Variants in NOS1AP observed in about 807,000 individuals in gnomAD.
NOS1AP encodes the protein carboxyl-terminal PDZ ligand of neuronal nitric oxide synthase protein.
In NOS1AP, 21 loss-of-function variants were observed where a neutral mutation model predicts 56.2. That is an observed-to-expected ratio of 0.37 (90% confidence interval 0.26 to 0.54). The LOEUF (loss-of-function observed/expected upper bound fraction) is 0.54. NOS1AP is among the 20% of genes least tolerant of loss of function. The pLI is 0.84. For missense variants in NOS1AP, 522 were observed against 657.8 expected (o/e 0.79, Z 2.26); for synonymous variants, 270 against 274.6 (o/e 0.98, Z 0.17).
chr1:162,350,818 CG>C (rs60709352), intron 6 of NOS1AP, among the ~76,000 whole-genome samples: 126,820 of 152,006 alleles, frequency 0.83, 53,407 homozygotes, highest in East Asian at 0.93. Context: ...CTCCCTTCCC[CG>C]CAATTCCTGG....
intron 6 of NOS1AP, among the ~76,000 whole-genome samples, chr1:162,345,256 C>T (rs1047090894): frequency 2.6e-5 from 4 of 151,344 alleles, no homozygotes; most frequent in African/African-American, 9.7e-5. Context: ...GCTGCACCCA[C>T]TAACTCATCA....
At chr1:162,089,309 T>A (rs1020606780) in intron 1 of NOS1AP, among the ~76,000 whole-genome samples, 11 of 152,206 alleles carry the variant, frequency 7.2e-5, no homozygotes, top group Non-Finnish European at 1.5e-4. Context: ...ACATAGGGAA[T>A]AACAGAATCC....
intron 2 of NOS1AP, among the ~76,000 whole-genome samples, chr1:162,201,913 G>T (rs1652005520): frequency 1.3e-5 from 2 of 152,168 alleles, no homozygotes; most frequent in Non-Finnish European, 2.9e-5. Context: ...TGTTTACTTT[G>T]TTGATAGTTT....
chr1:162,185,543 G>T, intron 2 of NOS1AP, among the ~76,000 whole-genome samples: 1 of 152,294 alleles, frequency 6.6e-6, no homozygotes, highest in Non-Finnish European at 1.5e-5. Context: ...TGAGGAGACT[G>T]CTGAGTCAGC....
intron 2 of NOS1AP, among the ~76,000 whole-genome samples, chr1:162,257,172 G>T (rs1010645968): frequency 2.2e-4 from 33 of 152,152 alleles, no homozygotes; most frequent in African/African-American, 7.2e-4. Flanking sequence ...CATGCCAAGT[G>T]CAGCAGAACT....
chr1:162,282,999 A>T (rs1261183616), intron 2 of NOS1AP, among the ~76,000 whole-genome samples: 1 of 152,078 alleles, frequency 6.6e-6, no homozygotes, highest in Non-Finnish European at 1.5e-5. Context: ...CAGGTGAGAG[A>T]GTGTATCACC....
chr1:162,081,768 A>T (rs1404197185), intron 1 of NOS1AP, among the ~76,000 whole-genome samples: 3 of 11,600 alleles, frequency 2.6e-4, no homozygotes, highest in East Asian at 1.9e-3. Context: ...ATATATATAT[A>T]TATATATTTT....
At chr1:162,174,530 G>A (rs938189704) in intron 2 of NOS1AP, among the ~76,000 whole-genome samples, 1 of 152,082 alleles carries the variant, frequency 6.6e-6, no homozygotes, top group African/African-American at 2.4e-5. Context: ...TGCACGTTGT[G>A]CACATGTACC....
rs554755524 is a variant in NOS1AP at position 162,364,068 on chromosome 1, G to A, written c.940-1336G>A. On this transcript the variant is annotated intron_variant, in intron 8 of 9. Transcript: ENST00000361897. Reference sequence around the variant, plus strand: ...TGGGCCAGCAAGTCACTTGGCCAAGGGTGGCCAACTGTGAGGTAGCACTGC... The same window carrying A: ...TGGGCCAGCAAGTCACTTGGCCAAGAGTGGCCAACTGTGAGGTAGCACTGC... 4.1e-6 allele frequency: 4 copies of A among 985,354 alleles called. No individual in the cohort carries two copies. The South Asian group carries it at 1.9e-4, about 46-fold the overall frequency. 61.0% of individuals were successfully genotyped at this position (985,354 alleles called of 1,614,324 possible).
chr1:162,184,516 A>G (rs1651364032), intron 2 of NOS1AP, among the ~76,000 whole-genome samples: 1 of 152,216 alleles, frequency 6.6e-6, no homozygotes, highest in Non-Finnish European at 1.5e-5. Flanking sequence ...AAATGCACTA[A>G]AACAACGTGT....
chr1:162,311,026 T>C (rs1656009761), intron 4 of NOS1AP, among the ~76,000 whole-genome samples: 1 of 152,152 alleles, frequency 6.6e-6, no homozygotes, highest in Non-Finnish European at 1.5e-5. Context: ...TTCCTTTTTT[T>C]AACCCTGCTA....
intron 8 of NOS1AP, among the ~76,000 whole-genome samples, chr1:162,361,265 G>T (rs1392798299): frequency 7.0e-6 from 1 of 143,588 alleles, no homozygotes. Flanking sequence ...TGAAAGAAAA[G>T]CATGCTAAAT....
chr1:162,076,235 C>T (rs987201465), intron 1 of NOS1AP, among the ~76,000 whole-genome samples: 2 of 152,220 alleles, frequency 1.3e-5, no homozygotes, highest in African/African-American at 4.8e-5. Context: ...TGTCTACCCT[C>T]CCCAGCAGCC....
chr1:162,223,434 G>T (rs1345737462), intron 2 of NOS1AP, among the ~76,000 whole-genome samples: 1 of 151,848 alleles, frequency 6.6e-6, no homozygotes, highest in Non-Finnish European at 1.5e-5. Context: ...TAGGGGTGGG[G>T]TGGGGGAGCT....
chr1:162,269,631 A>G (rs1368838989), intron 2 of NOS1AP, among the ~76,000 whole-genome samples: 1 of 152,214 alleles, frequency 6.6e-6, no homozygotes, highest in Non-Finnish European at 1.5e-5. Context: ...AAGCTAATAA[A>G]TTGTTAAAAT....
chr1:162,235,598 AAGCTTC>A (rs1286493331), intron 2 of NOS1AP, among the ~76,000 whole-genome samples: 1 of 152,204 alleles, frequency 6.6e-6, no homozygotes, highest in Non-Finnish European at 1.5e-5. Context: ...GGGGAGATCA[AAGCTTC>A]AGTGGCCAGA....
chr1:162,222,486 A>G (rs1338372771), intron 2 of NOS1AP, among the ~76,000 whole-genome samples: 1 of 152,174 alleles, frequency 6.6e-6, no homozygotes, highest in South Asian at 2.1e-4. Flanking sequence ...CTCTGAGGTT[A>G]TCTTCATTTG....
intron 2 of NOS1AP, among the ~76,000 whole-genome samples, chr1:162,230,761 A>G (rs961698762): frequency 6.6e-6 from 1 of 152,098 alleles, no homozygotes; most frequent in African/African-American, 2.4e-5. Flanking sequence ...TTTTTTTGTA[A>G]TGGGCTTATT....
chr1:162,159,428 A>AT (rs757573597), intron 2 of NOS1AP, among the ~76,000 whole-genome samples: 13 of 152,170 alleles, frequency 8.5e-5, no homozygotes, highest in Non-Finnish European at 1.8e-4. Context: ...ATAAAGTGCT[A>AT]TTTATATTCA....
Sources: gnomAD v4.1 joint callset for allele counts (sites outside exome capture counted in the v4.1 genomes callset) on GRCh38, gnomAD v4.1.1 for gene constraint, MANE v1.5 for transcripts, NCBI Gene and HGNC (gene_info 2026-07-23, HGNC 2026-07-21) for gene names.